The following TNK2 variants were observed in gnomAD, a reference collection of about 807,000 sequenced individuals.
TNK2 encodes the protein activated CDC42 kinase 1.
Under a neutral mutation model 101.8 loss-of-function variants are expected in TNK2, and 83 were observed. The observed-to-expected ratio is 0.82, with a 90% CI of 0.68 to 0.98. The LOEUF (loss-of-function observed/expected upper bound fraction) is 0.98, where lower values mean the gene tolerates loss of function less well. TNK2 is among the 50% of genes least tolerant of loss of function. The pLI is 0.00. For missense variants in TNK2, 1,665 were observed against 1,483.2 expected (o/e 1.12, Z -2.01); for synonymous variants, 804 against 633.0 (o/e 1.27, Z -4.06).
At position 195,886,879 on chromosome 3, in the gene TNK2, G is replaced by A. The variant is rs1490455790; in HGVS notation, c.234+98C>T. 7.3e-7 allele frequency: 1 copy of A among 1,370,948 alleles called. No homozygotes were observed. The highest frequency in any genetic ancestry group is 1.7e-5 in the Admixed American group (1 of 59,108). The allele number at this position is 1,370,948 out of a possible 1,614,324, so 84.9% of individuals were successfully genotyped here. Reference sequence around the variant, plus strand: ...AAGTGCCGGCAGAACGGCGAGATTCGACCTGCCGGGGAGCTGGGGAAGGTT... The same window carrying A: ...AAGTGCCGGCAGAACGGCGAGATTCAACCTGCCGGGGAGCTGGGGAAGGTT... On this transcript the variant is annotated intron_variant, in intron 3 of 15. Coordinates refer to ENST00000672887, the MANE Select transcript of TNK2 (RefSeq NM_001382273.1). The surrounding 1 kb of genome is among the most constrained non-coding windows in gnomAD (Gnocchi z 4.2).
intron 1 of TNK2, among the ~76,000 whole-genome samples, chr3:195,907,497 C>A (rs557884264): frequency 6.6e-6 from 1 of 152,330 alleles, no homozygotes; most frequent in African/African-American, 2.4e-5. Flanking sequence ...AGCAGCAACC[C>A]TGCACCCATC....
chr3:195,891,558 G>A (rs75321560), intron 1 of TNK2, among the ~76,000 whole-genome samples: 3,743 of 152,176 alleles, frequency 0.025, 141 homozygotes, highest in African/African-American at 0.084. Flanking sequence ...GTGGCTTTCC[G>A]GAAGCAAGCC....
rs1386734488 is a variant in TNK2 at position 195,872,487 on chromosome 3, G to A, written c.1257-17C>T. 1.3e-6 allele frequency: 2 copies of A among 1,563,268 alleles called. No homozygotes were observed. The highest frequency in any genetic ancestry group is 2.7e-5 in the African/African-American group (2 of 73,870). On this transcript the variant is annotated splice_polypyrimidine_tract_variant and intron_variant, in intron 9 of 15. Coordinates refer to ENST00000672887, the MANE Select transcript of TNK2 (RefSeq NM_001382273.1). ...TTCTCGGCCCTGCGCGACAGAGATG[G>A]CACGGTGAACGCCAGGCGTGGCGGG...
chr3:195,898,653 T>C (rs1465842050), intron 1 of TNK2, among the ~76,000 whole-genome samples: 1 of 144,390 alleles, frequency 6.9e-6, no homozygotes, highest in Non-Finnish European at 1.6e-5. Flanking sequence ...AGAGACTGGG[T>C]CTTGCTCTGT....
At position 195,867,611 on chromosome 3, in the gene TNK2, C is replaced by T; in HGVS notation, c.2687G>A (p.Ser896Asn). 6.3e-7 allele frequency: 1 copy of T among 1,597,652 alleles called. No homozygotes were observed. Among genetic ancestry groups the T allele is most frequent in the Non-Finnish European group, 8.5e-7 (1 of 1,178,934 alleles). Reference protein sequence around the residue: ...RYQRFLREAQSPEEPTPLPVP... With the variant: ...RYQRFLREAQNPEEPTPLPVP... ...AGGCAGGGGGGTAGGCTCCTCGGGG[C>T]TCTGGGCCTCACGCAGGAAGCGCTG... Residue 896 changes from serine (S) to asparagine (N), a missense_variant, in exon 13 of 16, where the codon AGC becomes AAC. Around this residue, in one of 3 missense-constraint regions of TNK2, gnomAD observed 1,136 missense variants for 894.9 expected, o/e 1.27. Transcript: ENST00000672887.
At chr3:195,906,502 A>G (rs922307242) in intron 1 of TNK2, among the ~76,000 whole-genome samples, 1 of 152,150 alleles carries the variant, frequency 6.6e-6, no homozygotes, top group Non-Finnish European at 1.5e-5. Flanking sequence ...GTTGAATGAA[A>G]GACGCGATTC....
At chr3:195,868,847 G>A (rs1469736212) in intron 12 of TNK2, 138 bp from the exon 13 acceptor site, 6 of 1,024,650 alleles carry the variant, frequency 5.9e-6, no homozygotes, top group Non-Finnish European at 6.8e-6. Flanking sequence ...TCTGAGGTCA[G>A]CCACCGGCGG....
intron 4 of TNK2, chr3:195,883,686 C>T (rs1001154011): frequency 5.5e-6 from 1 of 183,396 alleles, no homozygotes; most frequent in Non-Finnish European, 1.2e-5. Context: ...GTGATCTCAG[C>T]TCACTGCAAC....
At chr3:195,869,405 G>C in intron 12 of TNK2, 92 bp downstream of exon 12, 1 of 1,324,802 alleles carries the variant, frequency 7.5e-7, no homozygotes, top group South Asian at 1.3e-5. Context: ...CTCCCCTCCG[G>C]CCCAGCCGCC....
In TNK2 at chr3:195,872,307, G is replaced by T. The variant is rs376221693; in HGVS notation, c.1420C>A (p.His474Asn). Residue 474 changes from histidine (H) to asparagine (N), a missense_variant, in exon 10 of 16, where the codon CAC becomes AAC. This residue lies in a region of TNK2 where 1,136 missense variants were observed against 894.9 expected (regional missense o/e 1.27). Transcript: ENST00000672887. ...ATCCTGTCCGGGAAGCCCCAGCAGT[G>T]GCGGGGGTCACTGTCGCCATGCCCT... ...HTGHGDSDPR[H>N]CWGFPDRIDE... 6.2e-7 allele frequency: 1 copy of T among 1,613,304 alleles called. No individual in the cohort carries two copies. The highest frequency in any genetic ancestry group is 8.5e-7 in the Non-Finnish European group (1 of 1,179,934).
At chr3:195,903,746 T>C (rs1308449916) in intron 1 of TNK2, among the ~76,000 whole-genome samples, 1 of 151,696 alleles carries the variant, frequency 6.6e-6, no homozygotes, top group East Asian at 1.9e-4. Flanking sequence ...TACCAGAGGA[T>C]CCAGCCAGGG....
intron 1 of TNK2, among the ~76,000 whole-genome samples, chr3:195,906,081 CAT>C (rs369161887): frequency 6.6e-6 from 1 of 152,170 alleles, no homozygotes; most frequent in African/African-American, 2.4e-5. Context: ...TGCCCGACAA[CAT>C]GAGTCATTAA....
Position 195,867,571 on chromosome 3 carries a change from C to T in TNK2, c.2727G>A (p.Leu909=). The T allele has an allele frequency of 6.3e-7, 1 of 1,576,110 alleles. No homozygotes were observed. Among genetic ancestry groups the T allele is most frequent in the African/African-American group, 1.3e-5 (1 of 74,370 alleles). ...CGGGGGCTGGGGTGCTGGGTGGGGG[C>T]AGCAGCAGAGGCACAGGCAGGGGGG... ...EPTPLPVPLL[L]PPPSTPAPAA... is the part of the protein sequence containing the mutation. The change falls in exon 13 of 16, where the codon CTG becomes CTA. Residue 909 remains leucine (L), a synonymous_variant. Transcript: ENST00000672887.
chr3:195,866,141 A>C (rs962407704), intron 15 of TNK2, among the ~76,000 whole-genome samples: 2 of 152,212 alleles, frequency 1.3e-5, no homozygotes, highest in African/African-American at 4.8e-5. Flanking sequence ...TTAAATGTCT[A>C]TATATTTTGT....
rs1742244016 is a variant in TNK2, at chr3:195,868,194, G to A, written c.2104C>T (p.Leu702=). ...ARPPPPLEDN[L]FLPPQGGGKP... is the part of the protein sequence containing the mutation. ...CCCCCACCCTGGGGCGGGAGGAACAGGTTGTCCTCCAGGGGAGGGGGCGGC... is the reference window on the plus strand; with the variant it reads ...CCCCCACCCTGGGGCGGGAGGAACAAGTTGTCCTCCAGGGGAGGGGGCGGC... The change falls in exon 13 of 16, where the codon CTG becomes TTG. Residue 702 remains leucine, a synonymous_variant. Transcript: ENST00000672887. 1.2e-6 allele frequency: 2 copies of A among 1,609,326 alleles called. No homozygotes were observed. Among genetic ancestry groups the A allele is most frequent in the Non-Finnish European group, 8.5e-7 (1 of 1,178,936 alleles).
At chr3:195,906,171 G>A (rs1013653121) in intron 1 of TNK2, among the ~76,000 whole-genome samples, 4 of 152,170 alleles carry the variant, frequency 2.6e-5, no homozygotes, top group African/African-American at 9.7e-5. Context: ...ACCACATCGA[G>A]ATGTGGACAT....
intron 9 of TNK2, among the ~76,000 whole-genome samples, chr3:195,877,696 AG>A (rs1161280895): frequency 6.6e-6 from 1 of 152,102 alleles, no homozygotes; most frequent in African/African-American, 2.4e-5. Context: ...GGTGGAAGAC[AG>A]GGACTCCCGA....
chr3:195,892,023 G>T, intron 1 of TNK2: 2 of 1,029,804 alleles, frequency 1.9e-6, no homozygotes, highest in East Asian at 8.4e-5. Flanking sequence ...GAGGCAAGCG[G>T]TCAGGGTCTC....
Position 195,870,187 on chromosome 3 carries a change from G to A in TNK2, c.1470C>T (p.Pro490=). Reference sequence around the variant, plus strand: ...CGCTCAGGAGGTCGGGGGGGTCCATGGGGTTTCCCAGATACAGTCTGTGGG... The same window carrying A: ...CGCTCAGGAGGTCGGGGGGGTCCATAGGGTTTCCCAGATACAGTCTGTGGG... ...DRIDELYLGN[P]MDPPDLLSVE... Residue 490 remains proline, a synonymous_variant, in exon 11 of 16, where the codon CCC becomes CCT. Transcript: ENST00000672887. The A allele has an allele frequency of 3.2e-6, 5 of 1,565,268 alleles. No individual in the cohort carries two copies. The highest frequency in any genetic ancestry group is 3.5e-6 in the Non-Finnish European group (4 of 1,152,524).
Sources: allele counts gnomAD v4.1 joint callset (sites outside exome capture counted in the v4.1 genomes callset), GRCh38; gene constraint gnomAD v4.1.1; regional missense constraint gnomAD v4.1.1; non-coding constraint Gnocchi (gnomAD v3.1); transcripts MANE v1.5; gene names NCBI Gene and HGNC (gene_info 2026-07-23, HGNC 2026-07-21).